Variants in AFDN observed in about 807,000 individuals in gnomAD.
AFDN encodes afadin.
In AFDN, 68 loss-of-function variants were observed where a neutral mutation model predicts 216.6. The observed-to-expected ratio is 0.31, with a 90% CI of 0.26 to 0.38. The LOEUF is 0.38. Among genes scored for constraint, AFDN ranks in the 10% least tolerant of loss-of-function variants. The probability of loss-of-function intolerance (pLI) is 1.00; values close to 1 mark genes in which losing one functional copy is unlikely to be tolerated. For synonymous variants in AFDN, 868 were observed against 853.7 expected (o/e 1.02, Z -0.29); for missense variants, 2,136 against 2,342.0 (o/e 0.91, Z 1.82).
rs766153050 is a variant in AFDN, at chr6:167,827,148, C to T, written c.16C>T (p.Arg6Cys). Residue 6 changes from arginine to cysteine, a missense_variant, in exon 1 of 34, where the codon CGT becomes TGT. Around this residue, in one of 8 missense-constraint regions of AFDN, gnomAD observed 81 missense variants for 51.2 expected, o/e 1.58. Transcript: ENST00000683244. MSAGG[R>C]DEERRKLADI... The stretch of plus-strand genomic sequence containing the variant: ...GGCCAGGACCATGTCGGCGGGCGGC[C>T]GTGACGAGGAGCGGCGGAAGCTGGC... 1.5e-6 allele frequency: 2 copies of T among 1,293,352 alleles called. No homozygotes were observed. Among genetic ancestry groups the T allele is most frequent in the South Asian group, 1.3e-5 (1 of 76,230 alleles). The allele number at this position is 1,293,352 out of a possible 1,614,324, so 80.1% of individuals were successfully genotyped here. A position where few individuals can be genotyped will look rare whatever the true frequency, so the allele number is the denominator to read the frequency against.
intron 1 of AFDN, among the ~76,000 whole-genome samples, chr6:167,853,436 G>C (rs1425667727): frequency 6.6e-6 from 1 of 151,992 alleles, no homozygotes; most frequent in Non-Finnish European, 1.5e-5. Flanking sequence ...GTCAAAAGCT[G>C]TTGTCCAAAA....
In AFDN at chr6:167,952,029, G is replaced by A. The variant is rs755424085; in HGVS notation, c.4675G>A (p.Glu1559Lys). 7 of 1,614,194 alleles carry A rather than the reference G, an allele frequency of 4.3e-6. No individual in the cohort carries two copies. The South Asian group carries it at 4.4e-5, about 10-fold the overall frequency. ...CCAGAGCAAACCGGACCGCAGCGCC[G>A]AGGAGAGCGACCGGCTGCGCAAGCT... ...ELQSKPDRSAEESDRLRKLML... is the reference protein window; with the variant it reads ...ELQSKPDRSAKESDRLRKLML... Residue 1559 changes from glutamate to lysine, a missense_variant, in exon 30 of 34, where the codon GAG becomes AAG. Physicochemically the swap from Glu to Lys is moderately conservative, Grantham distance 56 (BLOSUM62 1). Around this residue, in one of 8 missense-constraint regions of AFDN, gnomAD observed 981 missense variants for 966.0 expected, o/e 1.02. Transcript: ENST00000683244.
intron 1 of AFDN, among the ~76,000 whole-genome samples, chr6:167,852,647 G>A (rs1424142269): frequency 2.0e-5 from 3 of 152,064 alleles, no homozygotes; most frequent in Admixed American, 6.5e-5. Flanking sequence ...TTATTGGCTG[G>A]AATTCTTTAA....
At chr6:167,880,750 G>T (rs1427338724) in intron 6 of AFDN, among the ~76,000 whole-genome samples, 2 of 152,004 alleles carry the variant, frequency 1.3e-5, no homozygotes, top group Non-Finnish European at 2.9e-5. Context: ...TAAAGAAAAT[G>T]AAAATTACCC....
At chr6:167,871,252 T>A (rs966372944) in intron 3 of AFDN, among the ~76,000 whole-genome samples, 1 of 152,180 alleles carries the variant, frequency 6.6e-6, no homozygotes, top group Non-Finnish European at 1.5e-5. Flanking sequence ...TATTTGTTAC[T>A]GTGCTTAGTG....
Position 167,867,998 on chromosome 6 carries a change from C to A in AFDN, c.302-2388C>A, listed in dbSNP as rs533894818. ...TCCCCTGCGTGAGGCTGTAGTAAGA[C>A]CCTTGTGCCGTCACCATGCTGTTAC... On this transcript the variant is annotated intron_variant, in intron 2 of 33. Coordinates refer to ENST00000683244, the MANE Select transcript of AFDN (RefSeq NM_001386888.1). Among the ~76,000 whole-genome samples the A allele has an allele frequency of 1.5e-4, 23 of 152,230 alleles. No individual in the cohort carries two copies. The South Asian group carries it at 3.1e-3, about 21-fold the overall frequency.
intron 8 of AFDN, 31 bp downstream of exon 8, chr6:167,891,060 A>G: frequency 6.8e-7 from 1 of 1,460,658 alleles, no homozygotes; most frequent in Non-Finnish European, 9.1e-7. Flanking sequence ...AGCACACATT[A>G]TTAATGTGCA....
chr6:167,889,356 C>A (rs531870988), intron 7 of AFDN, 30 bp downstream of exon 7: 1 of 1,448,170 alleles, frequency 6.9e-7, no homozygotes, highest in East Asian at 2.3e-5. Context: ...ATTACTTACA[C>A]CAGATTCCTA....
chr6:167,855,372 A>T (rs1401131403), intron 1 of AFDN, among the ~76,000 whole-genome samples: 2 of 152,110 alleles, frequency 1.3e-5, no homozygotes, highest in Non-Finnish European at 2.9e-5. Flanking sequence ...AATATTTTTA[A>T]AAATTATATA....
In AFDN at chr6:167,945,581, C is replaced by T. The variant is rs573296646; in HGVS notation, c.3359-1126C>T. 5.1e-4 allele frequency among the ~76,000 whole-genome samples: 78 copies of T among 152,238 alleles called. 2 individuals are homozygous for T. The highest frequency in any genetic ancestry group is 1.7e-3 in the African/African-American group (72 of 41,540). The stretch of plus-strand genomic sequence containing the variant: ...GTGCAGTCTGGCACGACCACAAACA[C>T]GAGGAATCATTGTACTACAGCTTTA... On this transcript the variant is annotated intron_variant, in intron 26 of 33. Coordinates refer to ENST00000683244, the MANE Select transcript of AFDN (RefSeq NM_001386888.1).
At chr6:167,954,502 T>G in intron 30 of AFDN, 1 of 1,604,384 alleles carries the variant, frequency 6.2e-7, no homozygotes, top group Non-Finnish European at 8.5e-7. Flanking sequence ...TGGTATGTTC[T>G]TGTTTCTTTC....
chr6:167,896,151 C>T (rs1788215563), intron 9 of AFDN, among the ~76,000 whole-genome samples: 1 of 151,912 alleles, frequency 6.6e-6, no homozygotes, highest in South Asian at 2.1e-4. Context: ...TCCTCCTCCT[C>T]ACCCCTTCCC....
At chr6:167,871,963 A>G (rs1230215356) in intron 3 of AFDN, among the ~76,000 whole-genome samples, 2 of 152,114 alleles carry the variant, frequency 1.3e-5, no homozygotes, top group African/African-American at 4.8e-5. Flanking sequence ...CTAGTTTTTA[A>G]ATGAGGTAAA....
chr6:167,912,762 T>C (rs1790565571), intron 15 of AFDN, among the ~76,000 whole-genome samples: 1 of 152,206 alleles, frequency 6.6e-6, no homozygotes, highest in South Asian at 2.1e-4. Flanking sequence ...GAAATCACCA[T>C]TATCAAACAA....
intron 3 of AFDN, among the ~76,000 whole-genome samples, 166 bp downstream of exon 3, chr6:167,870,664 T>C (rs1784689021): frequency 6.6e-6 from 1 of 152,224 alleles, no homozygotes; most frequent in African/African-American, 2.4e-5. Context: ...TTTTTCTCTC[T>C]ACTTTATCCT....
In AFDN at chr6:167,839,825, A is replaced by G. The variant is rs546989238; in HGVS notation, c.105+12588A>G. On this transcript the variant is annotated intron_variant, in intron 1 of 33. Coordinates refer to ENST00000683244, the MANE Select transcript of AFDN (RefSeq NM_001386888.1). ...ATGGCAGTAGTATGGTAAATACTCT[A>G]TTTGGGTGGTGGGAATCAGGCACAT... Among the ~76,000 whole-genome samples the G allele has an allele frequency of 2.6e-4, 39 of 152,308 alleles. 1 individual carries two copies. Among genetic ancestry groups the G allele is most frequent in the African/African-American group, 8.7e-4 (36 of 41,560 alleles).
chr6:167,905,666 CAA>C (rs1789570340), intron 12 of AFDN, among the ~76,000 whole-genome samples: 1 of 151,554 alleles, frequency 6.6e-6, no homozygotes, highest in African/African-American at 2.4e-5. Context: ...CACTTAAAAA[CAA>C]ATGAAAACCA....
chr6:167,897,953 C>T (rs1361161284), intron 10 of AFDN, among the ~76,000 whole-genome samples: 1 of 151,960 alleles, frequency 6.6e-6, no homozygotes, highest in African/African-American at 2.4e-5. Context: ...CAACTGTATG[C>T]TTTTTAATGC....
At chr6:167,908,697 A>G (rs1030273212) in intron 13 of AFDN, among the ~76,000 whole-genome samples, 1 of 152,210 alleles carries the variant, frequency 6.6e-6, no homozygotes, top group Non-Finnish European at 1.5e-5. Flanking sequence ...TATGTCAGGA[A>G]TTATTTTTTA....
Sources: allele counts gnomAD v4.1 joint callset (sites outside exome capture counted in the v4.1 genomes callset), GRCh38; gene constraint gnomAD v4.1.1; regional missense constraint gnomAD v4.1.1; transcripts MANE v1.5; gene names NCBI Gene and HGNC (gene_info 2026-07-23, HGNC 2026-07-21).